FGGY: variants seen among roughly 807,000 people sequenced by gnomAD.
FGGY encodes the protein FGGY carbohydrate kinase domain-containing protein.
Under a neutral mutation model 71.3 loss-of-function variants are expected in FGGY, and 72 were observed. That is an observed-to-expected ratio of 1.01 (90% CI 0.84 to 1.23). The LOEUF (loss-of-function observed/expected upper bound fraction) is 1.23, where lower values mean the gene tolerates loss of function less well. Among genes scored for constraint, FGGY ranks in the 50% most tolerant of loss-of-function variants. FGGY has a pLI of 0.00. For missense variants in FGGY, 668 were observed against 682.3 expected (o/e 0.98, Z 0.23); for synonymous variants, 251 against 250.3 (o/e 1.00, Z -0.02).
rs1357255296 is a variant in FGGY, at chr1:59,354,156, G to A, written c.465+7758G>A. Among the ~76,000 whole-genome samples the A allele has an allele frequency of 2.6e-5, 4 of 152,092 alleles. No homozygotes were observed. The East Asian group carries it at 7.7e-4, about 29-fold the overall frequency. ...ACAGTAGCACAGTCTTGGCTCATTG[G>A]AACCTTTGCCTCCCAGGCTTGAGCG... On this transcript the variant is annotated intron_variant, in intron 4 of 15. Coordinates refer to ENST00000303721, the MANE Select transcript of FGGY (RefSeq NM_018291.5).
chr1:59,340,205 C>T (rs889589508), intron 3 of FGGY, 136 bp downstream of exon 3: 1 of 634,264 alleles, frequency 1.6e-6, no homozygotes, highest in Middle Eastern at 3.9e-4. Context: ...TGACACAGAT[C>T]ATGTTGCAGA....
rs1570568689 is a variant in FGGY, at chr1:59,336,207, T to C, written c.202-3751T>C. Among the ~76,000 whole-genome samples the C allele has an allele frequency of 2.0e-5, 3 of 152,310 alleles. No individual in the cohort carries two copies. The South Asian group carries it at 6.2e-4, about 32-fold the overall frequency. ...AAGTTCTTTTTTGCATATAGTCATA[T>C]AGTTCTAGCATCACTGTCAAATAGT... On this transcript the variant is annotated intron_variant, in intron 2 of 15. Coordinates refer to ENST00000303721, the MANE Select transcript of FGGY (RefSeq NM_018291.5).
rs200362759 is a variant in FGGY, at chr1:59,599,095, C to T, written c.904-8708C>T. ...CATTGAGTTCAGTCCTACACATGTT[C>T]GTTTGTTTGTTTGTTTGTTTGTTTT... On this transcript the variant is annotated intron_variant, in intron 8 of 15. Transcript: ENST00000303721. Among the ~76,000 whole-genome samples the T allele has an allele frequency of 4.7e-3, 707 of 151,472 alleles. 14 individuals are homozygous for T. Among genetic ancestry groups the T allele is most frequent in the African/African-American group, 0.016 (662 of 41,356 alleles).
intron 2 of FGGY, among the ~76,000 whole-genome samples, chr1:59,329,875 A>G (rs1355788186): frequency 1.3e-5 from 2 of 152,234 alleles, no homozygotes; most frequent in South Asian, 4.1e-4. Flanking sequence ...CAATAGCCAC[A>G]TGGTGGCTAT....
chr1:59,593,891 C>T (rs891855294), intron 8 of FGGY, among the ~76,000 whole-genome samples: 11 of 152,134 alleles, frequency 7.2e-5, no homozygotes, highest in African/African-American at 2.7e-4. Flanking sequence ...TCCCAAGAGC[C>T]CCAGATAATT....
intron 11 of FGGY, among the ~76,000 whole-genome samples, chr1:59,652,730 T>C (rs2097176346): frequency 6.6e-6 from 1 of 150,908 alleles, no homozygotes; most frequent in African/African-American, 2.4e-5. Flanking sequence ...AATTTGATCA[T>C]CTGAAGCCTT....
chr1:59,595,409 G>C (rs144286559), intron 8 of FGGY, among the ~76,000 whole-genome samples: 167 of 152,220 alleles, frequency 1.1e-3, no homozygotes, highest in Non-Finnish European at 1.7e-3. Context: ...CACAATCTCT[G>C]GCCTGGCGCG....
At chr1:59,562,843 A>C (rs951209389) in intron 8 of FGGY, among the ~76,000 whole-genome samples, 1 of 152,188 alleles carries the variant, frequency 6.6e-6, no homozygotes, top group Non-Finnish European at 1.5e-5. Context: ...TCACTGATCT[A>C]TGCTATGTCA....
intron 5 of FGGY, among the ~76,000 whole-genome samples, chr1:59,428,586 C>T (rs1231040425): frequency 2.0e-5 from 3 of 152,206 alleles, no homozygotes; most frequent in Admixed American, 6.5e-5. Context: ...GAGAAAGGTG[C>T]ACGTGACCTT....
intron 11 of FGGY, among the ~76,000 whole-genome samples, chr1:59,653,072 A>T (rs1422679408): frequency 6.6e-6 from 1 of 152,228 alleles, no homozygotes; most frequent in African/African-American, 2.4e-5. Context: ...CTCGTGGGTC[A>T]GGGTTCAGCG....
chr1:59,641,817 CAT>C (rs1316794047), intron 11 of FGGY, among the ~76,000 whole-genome samples: 1 of 152,182 alleles, frequency 6.6e-6, no homozygotes, highest in Non-Finnish European at 1.5e-5. Context: ...AGAACAAAGT[CAT>C]GTGTGATCCA....
intron 5 of FGGY, among the ~76,000 whole-genome samples, chr1:59,419,127 G>A (rs1426162401): frequency 6.6e-6 from 1 of 152,170 alleles, no homozygotes; most frequent in Non-Finnish European, 1.5e-5. Flanking sequence ...TTTTGTTCTG[G>A]TTGGTGGTGG....
chr1:59,670,928 G>A (rs566070346), intron 13 of FGGY, among the ~76,000 whole-genome samples: 8 of 152,322 alleles, frequency 5.3e-5, no homozygotes, highest in African/African-American at 1.7e-4. Flanking sequence ...TTCCCCCACT[G>A]ACTTGGGACT....
Position 59,641,852 on chromosome 1 carries a change from G to A in FGGY, c.1221+3477G>A, listed in dbSNP as rs893232602. On this transcript the variant is annotated intron_variant, in intron 11 of 15. Coordinates refer to ENST00000303721, the MANE Select transcript of FGGY (RefSeq NM_018291.5). Reference sequence around the variant, plus strand: ...CCACTGTGGAAACAGTTTGGACCTCGCCACCTTCTGCTCCCTTGCATAAAA... The same window carrying A: ...CCACTGTGGAAACAGTTTGGACCTCACCACCTTCTGCTCCCTTGCATAAAA... Among the ~76,000 whole-genome samples, 25 of 152,126 alleles carry A rather than the reference G, an allele frequency of 1.6e-4. 1 individual carries two copies. The highest frequency in any genetic ancestry group is 5.9e-5 in the Non-Finnish European group (4 of 68,036).
At chr1:59,569,758 T>C (rs1053738501) in intron 8 of FGGY, among the ~76,000 whole-genome samples, 3 of 152,250 alleles carry the variant, frequency 2.0e-5, no homozygotes, top group Non-Finnish European at 4.4e-5. Flanking sequence ...TGGAATTTGA[T>C]GCTCAGAATA....
At chr1:59,327,523 C>T (rs1054256545) in intron 2 of FGGY, among the ~76,000 whole-genome samples, 1 of 152,156 alleles carries the variant, frequency 6.6e-6, no homozygotes, top group African/African-American at 2.4e-5. Flanking sequence ...AAGTCTTGAG[C>T]CACTCAAAGT....
At chr1:59,527,154 T>C (rs2095011506) in intron 7 of FGGY, among the ~76,000 whole-genome samples, 1 of 152,216 alleles carries the variant, frequency 6.6e-6, no homozygotes, top group Admixed American at 6.5e-5. Flanking sequence ...GTAATTACAG[T>C]TTTTAATACT....
chr1:59,465,176 G>C (rs2092538163), intron 6 of FGGY, among the ~76,000 whole-genome samples: 3 of 152,168 alleles, frequency 2.0e-5, no homozygotes, highest in Admixed American at 6.5e-5. Flanking sequence ...GATCAAGTTG[G>C]TTTCACCCCT....
chr1:59,744,230 G>T (rs777174200), intron 14 of FGGY, among the ~76,000 whole-genome samples: 1 of 152,188 alleles, frequency 6.6e-6, no homozygotes, highest in African/African-American at 2.4e-5. Flanking sequence ...AAGCCATTCT[G>T]TTTTGTTTGA....
Sources: gnomAD v4.1 joint callset for allele counts (sites outside exome capture counted in the v4.1 genomes callset) on GRCh38, gnomAD v4.1.1 for gene constraint, MANE v1.5 for transcripts, NCBI Gene and HGNC (gene_info 2026-07-23, HGNC 2026-07-21) for gene names.